Variants in RASA2 observed in about 807,000 individuals in gnomAD.
RASA2 encodes ras GTPase-activating protein 2.
A neutral mutation model predicts 118.2 loss-of-function variants in RASA2; 155 were observed. That is an observed-to-expected ratio of 1.31 (90% CI 1.15 to 1.50). The LOEUF (loss-of-function observed/expected upper bound fraction) is 1.50, where lower values mean the gene tolerates loss of function less well. RASA2 is among the 40% of genes most tolerant of loss of function. RASA2 has a pLI of 0.00. For missense variants in RASA2, 1,016 were observed against 1,009.6 expected (o/e 1.01, Z -0.09); for synonymous variants, 353 against 349.1 (o/e 1.01, Z -0.12).
intron 3 of RASA2, among the ~76,000 whole-genome samples, chr3:141,519,928 C>T (rs1286799969): frequency 6.6e-6 from 1 of 151,070 alleles, no homozygotes; most frequent in African/African-American, 2.4e-5. Flanking sequence ...GTAGGGAGAA[C>T]AGCTCATTTT....
At chr3:141,580,936 A>G (rs2083103838) in intron 16 of RASA2, among the ~76,000 whole-genome samples, 164 bp from the exon 17 acceptor site, 1 of 152,126 alleles carries the variant, frequency 6.6e-6, no homozygotes. Flanking sequence ...TTCGGCCATA[A>G]TCACATGACA....
chr3:141,599,356 AAC>A (rs887995122), intron 19 of RASA2, among the ~76,000 whole-genome samples: 41 of 152,040 alleles, frequency 2.7e-4, no homozygotes, highest in African/African-American at 9.4e-4. Flanking sequence ...AATGATTAGC[AAC>A]ACACAATAGT....
intron 15 of RASA2, among the ~76,000 whole-genome samples, chr3:141,580,099 T>A (rs1449020790): frequency 6.9e-5 from 9 of 129,642 alleles, no homozygotes; most frequent in African/African-American, 2.3e-4. Flanking sequence ...TATATATATA[T>A]ATATATATAT....
At chr3:141,490,043 C>T (rs114434765) in intron 1 of RASA2, among the ~76,000 whole-genome samples, 4,728 of 149,316 alleles carry the variant, frequency 0.032, 265 homozygotes, top group African/African-American at 0.11. Flanking sequence ...GTTTTATATG[C>T]GCTCAAACGA....
chr3:141,612,828 T>C lies in RASA2; in HGVS notation c.*515T>C, dbSNP rs2083673286. ...GTTTTTCCTTTGGTCCATCAGTCATTACAGGTTCCATTCAAGACAGTGATA... is the reference window on the plus strand; with the variant it reads ...GTTTTTCCTTTGGTCCATCAGTCATCACAGGTTCCATTCAAGACAGTGATA... On this transcript the variant is annotated 3_prime_UTR_variant, in exon 24 of 24. Coordinates refer to ENST00000286364, the MANE Select transcript of RASA2 (RefSeq NM_006506.5). 1 of 152,502 alleles carries C rather than the reference T, an allele frequency of 6.6e-6. No homozygotes were observed. Among genetic ancestry groups the C allele is most frequent in the Admixed American group, 6.5e-5 (1 of 15,306 alleles). 9.4% of individuals were successfully genotyped at this position (152,502 alleles called of 1,614,324 possible). A position where few individuals can be genotyped will look rare whatever the true frequency, so the allele number is the denominator to read the frequency against.
At chr3:141,575,172 T>C (rs2082991398) in intron 14 of RASA2, among the ~76,000 whole-genome samples, 1 of 152,230 alleles carries the variant, frequency 6.6e-6, no homozygotes, top group Admixed American at 6.5e-5. Context: ...TGTAAGTTTA[T>C]TTCTGTAACC....
intron 9 of RASA2, among the ~76,000 whole-genome samples, chr3:141,561,360 C>T (rs900176731): frequency 1.3e-5 from 2 of 152,260 alleles, no homozygotes; most frequent in Middle Eastern, 3.4e-3. Context: ...AGATGCCTTC[C>T]AAATTTGGCA....
intron 21 of RASA2, 62 bp downstream of exon 21, chr3:141,608,759 A>G: frequency 6.7e-7 from 1 of 1,498,222 alleles, no homozygotes; most frequent in Admixed American, 1.8e-5. Flanking sequence ...TGCAATGTTA[A>G]TATTATTTGT....
intron 10 of RASA2, among the ~76,000 whole-genome samples, 169 bp downstream of exon 10, chr3:141,571,237 G>A (rs543785503): frequency 3.9e-5 from 6 of 152,112 alleles, no homozygotes; most frequent in Non-Finnish European, 8.8e-5. Context: ...AGAGTACTAT[G>A]ATTCCTACAT....
At chr3:141,523,052 G>A (rs2082133872) in intron 3 of RASA2, among the ~76,000 whole-genome samples, 3 of 151,992 alleles carry the variant, frequency 2.0e-5, no homozygotes, top group Admixed American at 6.6e-5. Context: ...GTGTGGAAAT[G>A]TGTTTGCTTC....
chr3:141,532,818 G>A (rs145665663), intron 4 of RASA2, among the ~76,000 whole-genome samples: 2,308 of 152,180 alleles, frequency 0.015, 26 homozygotes, highest in Non-Finnish European at 0.025. Flanking sequence ...GTGGCACATG[G>A]AAACTGAGAC....
intron 1 of RASA2, among the ~76,000 whole-genome samples, chr3:141,489,132 T>C (rs1464814436): frequency 1.3e-5 from 2 of 152,252 alleles, no homozygotes; most frequent in Non-Finnish European, 2.9e-5. Context: ...ATTACTGCTT[T>C]AACCACAGTT....
chr3:141,568,525 G>A (rs1387208378), intron 9 of RASA2, among the ~76,000 whole-genome samples: 4 of 151,808 alleles, frequency 2.6e-5, no homozygotes, highest in Admixed American at 6.6e-5. Context: ...AGAAAATAAA[G>A]AAAACGTTCC....
chr3:141,522,328 G>A (rs1163425949), intron 3 of RASA2, among the ~76,000 whole-genome samples: 1 of 152,070 alleles, frequency 6.6e-6, no homozygotes, highest in African/African-American at 2.4e-5. Context: ...TGAGAGAAAG[G>A]CAGGATACAT....
In RASA2 at chr3:141,586,651, T is replaced by C; in HGVS notation, c.1832T>C (p.Met611Thr). ...TACATCTGTTATGTTGGCAGTGAGATGTATAAAAGAGCTCAAGGAAGAACT... is the reference window on the plus strand; with the variant it reads ...TACATCTGTTATGTTGGCAGTGAGACGTATAAAAGAGCTCAAGGAAGAACT... ...SEPVHLKEGE[M>T]YKRAQGRTRI... is the part of the protein sequence containing the mutation. The change falls in exon 19 of 24, where the codon ATG becomes ACG. Residue 611 changes from methionine (M) to threonine (T), a missense_variant. Transcript: ENST00000286364. 4 of 1,600,276 alleles carry C rather than the reference T, an allele frequency of 2.5e-6. No individual in the cohort carries two copies. Among genetic ancestry groups the C allele is most frequent in the Non-Finnish European group, 3.4e-6 (4 of 1,168,826 alleles).
intron 1 of RASA2, among the ~76,000 whole-genome samples, chr3:141,500,225 C>CT (rs937978087): frequency 3.9e-5 from 6 of 152,214 alleles, no homozygotes; most frequent in African/African-American, 1.4e-4. Flanking sequence ...GTCCCCCCTC[C>CT]TTTTTTTGTT....
chr3:141,600,258 T>C, intron 19 of RASA2: 3 of 530,444 alleles, frequency 5.7e-6, no homozygotes, highest in South Asian at 4.3e-5. Flanking sequence ...GAGGACACCC[T>C]GTATGTATTT....
rs73869663 is a variant in RASA2 at position 141,555,967 on chromosome 3, G to A, written c.684+55G>A. ...ATTAAATATGTAATATTTAATGCTA[G>A]TTGATTTCTTTTTTCAAACCACAGT... On this transcript the variant is annotated intron_variant, in intron 7 of 23. Transcript: ENST00000286364. 1.9e-3 allele frequency: 2,561 copies of A among 1,339,106 alleles called. 38 individuals carry two copies. The African/African-American group carries it at 0.034, about 18-fold the overall frequency. 83.0% of individuals were successfully genotyped at this position (1,339,106 alleles called of 1,614,324 possible). A position where few individuals can be genotyped will look rare whatever the true frequency, so the allele number is the denominator to read the frequency against.
intron 9 of RASA2, among the ~76,000 whole-genome samples, chr3:141,560,503 T>A (rs1278527562): frequency 6.6e-6 from 1 of 152,184 alleles, no homozygotes; most frequent in African/African-American, 2.4e-5. Flanking sequence ...TAAGGTCTTA[T>A]GTTGTTGAGC....
Sources: allele counts gnomAD v4.1 joint callset (sites outside exome capture counted in the v4.1 genomes callset), GRCh38; gene constraint gnomAD v4.1.1; transcripts MANE v1.5; gene names NCBI Gene and HGNC (gene_info 2026-07-23, HGNC 2026-07-21).